Variants in LRMDA observed in about 807,000 individuals in gnomAD.
The protein encoded by LRMDA is leucine rich melanocyte differentiation associated.
In LRMDA, 18 loss-of-function variants were observed where a neutral mutation model predicts 29.8. The observed-to-expected ratio is 0.60, with a 90% CI of 0.42 to 0.90. The LOEUF (loss-of-function observed/expected upper bound fraction) is 0.90. LRMDA is among the 40% of genes least tolerant of loss of function. LRMDA has a pLI of 0.00. For synonymous variants in LRMDA, 125 were observed against 109.4 expected (o/e 1.14, Z -0.89); for missense variants, 273 against 273.9 (o/e 1.00, Z 0.02).
intron 6 of LRMDA, among the ~76,000 whole-genome samples, chr10:76,481,670 T>C (rs1014131409): frequency 6.6e-6 from 1 of 151,882 alleles, no homozygotes; most frequent in African/African-American, 2.4e-5. Context: ...GGAAAACAGA[T>C]TAATGTTTTT....
chr10:75,733,519 A>G (rs1209124027), intron 2 of LRMDA, among the ~76,000 whole-genome samples: 1 of 152,160 alleles, frequency 6.6e-6, no homozygotes, highest in East Asian at 1.9e-4. Flanking sequence ...GCCTTTCTGT[A>G]TGAGTGCCAC....
chr10:76,378,016 G>C (rs773480309), intron 6 of LRMDA, among the ~76,000 whole-genome samples: 1 of 151,968 alleles, frequency 6.6e-6, no homozygotes, highest in African/African-American at 2.4e-5. Flanking sequence ...TAATCCATGG[G>C]CATGGGATGT....
At chr10:75,885,118 G>A (rs1459899841) in intron 2 of LRMDA, among the ~76,000 whole-genome samples, 1 of 152,056 alleles carries the variant, frequency 6.6e-6, no homozygotes, top group Non-Finnish European at 1.5e-5. Context: ...GGGAGGCCTG[G>A]GAAGGACAGC....
intron 2 of LRMDA, among the ~76,000 whole-genome samples, chr10:75,488,047 G>A (rs1219171051): frequency 6.6e-6 from 1 of 152,196 alleles, no homozygotes; most frequent in Admixed American, 6.5e-5. Context: ...GACCTTGAGA[G>A]TTCCAAAGGG....
intron 5 of LRMDA, among the ~76,000 whole-genome samples, chr10:76,272,186 C>T (rs1441747311): frequency 6.6e-6 from 1 of 152,184 alleles, no homozygotes. Context: ...CCCCATTCCA[C>T]CATTCACCTT....
intron 2 of LRMDA, among the ~76,000 whole-genome samples, chr10:75,571,305 C>A (rs1840434687): frequency 6.6e-6 from 1 of 152,142 alleles, no homozygotes; most frequent in Non-Finnish European, 1.5e-5. Context: ...ACATAAGGTT[C>A]TTTTAAAAAA....
chr10:76,347,701 T>C (rs1436563076), intron 6 of LRMDA, among the ~76,000 whole-genome samples: 1 of 152,180 alleles, frequency 6.6e-6, no homozygotes, highest in Non-Finnish European at 1.5e-5. Context: ...ACCTTAGATG[T>C]TCTTCTTGAG....
chr10:76,490,620 A>G (rs769810286), intron 6 of LRMDA, among the ~76,000 whole-genome samples: 7 of 151,860 alleles, frequency 4.6e-5, no homozygotes, highest in Non-Finnish European at 8.8e-5. Context: ...TTTGGTTTCC[A>G]TTGACATAGG....
intron 2 of LRMDA, among the ~76,000 whole-genome samples, chr10:75,621,067 T>A (rs1201006127): frequency 6.6e-6 from 1 of 152,186 alleles, no homozygotes; most frequent in African/African-American, 2.4e-5. Flanking sequence ...AGCTCCCACA[T>A]ATGAGTGAGA....
rs1839988650 is a variant in LRMDA at position 75,539,370 on chromosome 10, GAGATGAC to G, written c.131+100880_131+100886del. ...TGGTTGCTTTCAGTAAGTGTTACTT[GAGATGAC>G]AGAACATTGCATTTTAAGATGAATT... On this transcript the variant is annotated intron_variant, in intron 2 of 6. Coordinates refer to ENST00000611255, the MANE Select transcript of LRMDA (RefSeq NM_001305581.2). 2.0e-5 allele frequency among the ~76,000 whole-genome samples: 3 copies of G among 152,200 alleles called. No homozygotes were observed. In the South Asian group the frequency reaches 6.2e-4, roughly 31 times the overall value.
At chr10:76,524,255 T>C (rs889893081) in intron 6 of LRMDA, among the ~76,000 whole-genome samples, 1 of 152,124 alleles carries the variant, frequency 6.6e-6, no homozygotes, top group Admixed American at 6.5e-5. Context: ...TCCTTTGAGG[T>C]TGGTGAAAGA....
chr10:76,457,806 C>T lies in LRMDA; in HGVS notation c.602-99403C>T, dbSNP rs189618143. On this transcript the variant is annotated intron_variant, in intron 6 of 6. Transcript: ENST00000611255. The stretch of plus-strand genomic sequence containing the variant: ...GGCTTTCAGGAACCTAACTCTGTAT[C>T]TTCCTTAGGAGCAATCGTTCAGTAT... 1.1e-3 allele frequency among the ~76,000 whole-genome samples: 169 copies of T among 152,272 alleles called. 1 individual carries two copies. In the East Asian group the frequency reaches 0.03, roughly 27 times the overall value.
At chr10:76,250,592 T>TG (rs1337541714) in intron 5 of LRMDA, among the ~76,000 whole-genome samples, 6 of 152,228 alleles carry the variant, frequency 3.9e-5, no homozygotes, top group Non-Finnish European at 5.9e-5. Flanking sequence ...AATTTAAGTT[T>TG]GAAGAAGCAG....
chr10:76,254,568 T>A (rs1852555805), intron 5 of LRMDA, among the ~76,000 whole-genome samples: 1 of 152,112 alleles, frequency 6.6e-6, no homozygotes, highest in Admixed American at 6.6e-5. Context: ...ATACCACCAA[T>A]CTTTTTATTT....
intron 2 of LRMDA, among the ~76,000 whole-genome samples, chr10:75,723,744 A>G (rs1050200676): frequency 6.6e-6 from 1 of 152,228 alleles, no homozygotes; most frequent in Non-Finnish European, 1.5e-5. Flanking sequence ...GTCCAAATAC[A>G]TAAAATTGCA....
At chr10:75,720,355 G>A (rs778895722) in intron 2 of LRMDA, among the ~76,000 whole-genome samples, 3 of 152,200 alleles carry the variant, frequency 2.0e-5, no homozygotes, top group Non-Finnish European at 4.4e-5. Flanking sequence ...TCTTATGTGA[G>A]TCACTTAACA....
intron 2 of LRMDA, among the ~76,000 whole-genome samples, chr10:75,974,171 C>T (rs1333415521): frequency 6.6e-6 from 1 of 152,186 alleles, no homozygotes; most frequent in East Asian, 1.9e-4. Flanking sequence ...TATAGCATCT[C>T]TGCCATCCAC....
rs557108281 is a variant in LRMDA at position 76,534,892 on chromosome 10, A to G, written c.602-22317A>G. Among the ~76,000 whole-genome samples the G allele has an allele frequency of 2.0e-5, 3 of 152,336 alleles. No individual in the cohort carries two copies. In the East Asian group the frequency reaches 5.8e-4, roughly 29 times the overall value. On this transcript the variant is annotated intron_variant, in intron 6 of 6. Transcript: ENST00000611255. ...CCAGCATCTAGGTATTCTGTTTCTT[A>G]GTTCTATCCACCCACCCCATTATAC...
In LRMDA at chr10:76,097,152, A is replaced by G. The variant is rs575534294; in HGVS notation, c.516+38369A>G. On this transcript the variant is annotated intron_variant, in intron 5 of 6. Transcript: ENST00000611255. ...CAGCCTCCTGAGTAGCTGAGATTACAGGCATGTGCCACCATGCCTGGCTTA... is the reference window on the plus strand; with the variant it reads ...CAGCCTCCTGAGTAGCTGAGATTACGGGCATGTGCCACCATGCCTGGCTTA... Among the ~76,000 whole-genome samples, 9 of 152,238 alleles carry G rather than the reference A, an allele frequency of 5.9e-5. No individual in the cohort carries two copies. In the South Asian group the frequency reaches 1.9e-3, roughly 32 times the overall value.
Sources: allele counts gnomAD v4.1 joint callset (sites outside exome capture counted in the v4.1 genomes callset), GRCh38; gene constraint gnomAD v4.1.1; transcripts MANE v1.5; gene names NCBI Gene and HGNC (gene_info 2026-07-23, HGNC 2026-07-21).